Variants in RUFY3 observed in about 807,000 individuals in gnomAD.
The protein encoded by RUFY3 is RUN and FYVE domain containing 3, also known as protein RUFY3.
Under a neutral mutation model 84.0 loss-of-function variants are expected in RUFY3, and 34 were observed. That is an observed-to-expected ratio of 0.40 (90% CI 0.31 to 0.54). The LOEUF (loss-of-function observed/expected upper bound fraction) is 0.54. Ranked by LOEUF, RUFY3 falls within the 20% of genes least tolerant of loss-of-function variation. The pLI, the probability that RUFY3 is intolerant of heterozygous loss-of-function variation, is 0.39. For missense variants in RUFY3, 507 were observed against 736.8 expected (o/e 0.69, Z 3.61); for synonymous variants, 242 against 252.9 (o/e 0.96, Z 0.41).
intron 8 of RUFY3, among the ~76,000 whole-genome samples, chr4:70,781,921 C>T (rs1215959048): frequency 6.6e-6 from 1 of 152,174 alleles, no homozygotes; most frequent in Non-Finnish European, 1.5e-5. Context: ...GTGTTTCCAC[C>T]TTACTTTTTC....
intron 1 of RUFY3, among the ~76,000 whole-genome samples, chr4:70,746,041 A>G (rs1348858885): frequency 6.6e-6 from 1 of 151,958 alleles, no homozygotes; most frequent in East Asian, 1.9e-4. Flanking sequence ...CTCCCTCTCA[A>G]AACACAACAA....
At chr4:70,716,774 G>A (rs1410017098) in intron 1 of RUFY3, among the ~76,000 whole-genome samples, 1 of 151,100 alleles carries the variant, frequency 6.6e-6, no homozygotes, top group African/African-American at 2.4e-5. Flanking sequence ...AACCTGGGAG[G>A]GGACAGGTTG....
chr4:70,776,611 A>G (rs1325145855), intron 7 of RUFY3, among the ~76,000 whole-genome samples: 2 of 152,110 alleles, frequency 1.3e-5, no homozygotes, highest in Admixed American at 1.3e-4. Context: ...CATCTCTACT[A>G]AAAATACAAA....
chr4:70,758,992 C>T (rs1054825128), intron 1 of RUFY3, among the ~76,000 whole-genome samples: 3 of 151,674 alleles, frequency 2.0e-5, no homozygotes, highest in Admixed American at 6.6e-5. Flanking sequence ...GAGCCGAGAT[C>T]GTGCCACTGC....
chr4:70,704,751 C>T (rs1036778697), upstream of RUFY3: 2 of 371,782 alleles, frequency 5.4e-6, no homozygotes, highest in Non-Finnish European at 9.1e-6. Context: ...CTGGCTTGGA[C>T]CCTGGCGGGG....
rs1323961312 is a variant in RUFY3 at position 70,800,129 on chromosome 4, T to C, written c.1558-12T>C. On this transcript the variant is annotated splice_polypyrimidine_tract_variant and intron_variant, in intron 14 of 17. Coordinates refer to ENST00000381006, the MANE Select transcript of RUFY3 (RefSeq NM_001037442.4). ...TGAATAATTAATAAATTGGGCTGTT[T>C]TCTTTTGGCAGGATGGGAAGCACAA... is the stretch of plus-strand genomic sequence containing the variant. The C allele has an allele frequency of 6.3e-7, 1 of 1,598,916 alleles. No homozygotes were observed. Among genetic ancestry groups the C allele is most frequent in the Admixed American group, 1.8e-5 (1 of 55,612 alleles).
chr4:70,732,102 G>A (rs1019351960), intron 1 of RUFY3, among the ~76,000 whole-genome samples: 2 of 152,028 alleles, frequency 1.3e-5, no homozygotes, highest in Non-Finnish European at 2.9e-5. Flanking sequence ...CTTCATGCCC[G>A]TGTTATATCA....
intron 4 of RUFY3, among the ~76,000 whole-genome samples, chr4:70,766,831 A>G (rs1215459156): frequency 6.6e-6 from 1 of 152,182 alleles, no homozygotes; most frequent in Admixed American, 6.5e-5. Context: ...ATATGTCATT[A>G]TAGTACCATA....
intron 5 of RUFY3, among the ~76,000 whole-genome samples, chr4:70,769,833 G>GT (rs1351411634): frequency 6.6e-6 from 1 of 151,764 alleles, no homozygotes; most frequent in Admixed American, 6.6e-5. Flanking sequence ...TTTGTTTTTT[G>GT]TTTTTTAGAG....
intron 1 of RUFY3, among the ~76,000 whole-genome samples, chr4:70,738,313 A>T (rs1211370913): frequency 1.4e-5 from 2 of 146,214 alleles, no homozygotes; most frequent in Admixed American, 1.4e-4. Flanking sequence ...AGCTTATGTC[A>T]TACTTATTTA....
chr4:70,765,856 G>T (rs529521499), intron 4 of RUFY3, among the ~76,000 whole-genome samples: 16 of 150,630 alleles, frequency 1.1e-4, no homozygotes, highest in Non-Finnish European at 1.6e-4. Flanking sequence ...TCCGCCTCCC[G>T]GGTTCAAGCG....
At chr4:70,768,815 G>C (rs1726431644) in intron 5 of RUFY3, among the ~76,000 whole-genome samples, 154 bp downstream of exon 5, 1 of 152,030 alleles carries the variant, frequency 6.6e-6, no homozygotes, top group African/African-American at 2.4e-5. Flanking sequence ...AAAAAAGATT[G>C]TTTTTCCTTC....
At chr4:70,741,537 C>A in intron 1 of RUFY3, 1 of 1,088,984 alleles carries the variant, frequency 9.2e-7, no homozygotes, top group Non-Finnish European at 1.3e-6. Context: ...TCAGTTATCC[C>A]TTTGGAAATC....
chr4:70,705,851 C>T (rs1232995542), intron 1 of RUFY3, among the ~76,000 whole-genome samples: 1 of 152,220 alleles, frequency 6.6e-6, no homozygotes, highest in Non-Finnish European at 1.5e-5. Context: ...ACGAGCGTTC[C>T]TTCCATGCCG....
chr4:70,738,384 A>T (rs1578022282), intron 1 of RUFY3, among the ~76,000 whole-genome samples: 5 of 90,206 alleles, frequency 5.5e-5, no homozygotes, highest in Admixed American at 3.0e-4. Flanking sequence ...TTTTTTTGAG[A>T]CGGAGTTTTG....
At chr4:70,704,090 G>C (rs1049954454), upstream of RUFY3, 9 of 152,250 alleles carry the variant, frequency 5.9e-5, no homozygotes, top group Admixed American at 5.2e-4. Flanking sequence ...CACTGTGAAA[G>C]AGAAAACTGT....
chr4:70,731,006 G>A (rs1247040548), intron 1 of RUFY3, among the ~76,000 whole-genome samples: 3 of 151,502 alleles, frequency 2.0e-5, no homozygotes, highest in African/African-American at 4.9e-5. Flanking sequence ...AAGGCCAAAA[G>A]CATCCCAGCT....
At chr4:70,736,152 CAAAA>C (rs1020403164) in intron 1 of RUFY3, among the ~76,000 whole-genome samples, 5 of 60,854 alleles carry the variant, frequency 8.2e-5, no homozygotes, top group Non-Finnish European at 1.0e-4. Flanking sequence ...GACCCTGTCT[CAAAA>C]AAAAAAAAAA....
At chr4:70,766,924 C>G (rs1030616949) in intron 4 of RUFY3, among the ~76,000 whole-genome samples, 4 of 152,106 alleles carry the variant, frequency 2.6e-5, no homozygotes. Flanking sequence ...AACCACTGAT[C>G]GTACTGTGAT....
Sources: allele counts gnomAD v4.1 joint callset (sites outside exome capture counted in the v4.1 genomes callset), GRCh38; gene constraint gnomAD v4.1.1; transcripts MANE v1.5; gene names NCBI Gene and HGNC (gene_info 2026-07-23, HGNC 2026-07-21).